The following IQSEC3 variants were observed in gnomAD, a reference collection of about 807,000 sequenced individuals.
IQSEC3 encodes the protein IQ motif and Sec7 domain ArfGEF 3.
IQSEC3 carries 50 observed loss-of-function variants against 105.4 expected under a neutral mutation model. The ratio of observed to expected loss-of-function variants is 0.47; its 90% CI spans 0.38 to 0.60. The LOEUF (loss-of-function observed/expected upper bound fraction) is 0.60, where lower values mean the gene tolerates loss of function less well. Ranked by LOEUF, IQSEC3 falls within the 20% of genes least tolerant of loss-of-function variation. IQSEC3 has a pLI of 0.00. For missense variants in IQSEC3, 1,415 were observed against 1,630.0 expected, an observed-to-expected ratio of 0.87 and a Z score of 2.27; for synonymous variants, 708 against 746.0, an observed-to-expected ratio of 0.95 and a Z score of 0.83.
rs139399761 is a variant in IQSEC3 at position 116,029 on chromosome 12, G to A, written c.624-9604G>A. 9.1e-4 allele frequency among the ~76,000 whole-genome samples: 138 copies of A among 152,318 alleles called. 2 individuals carry two copies. The highest frequency in any genetic ancestry group is 3.2e-3 in the African/African-American group (131 of 41,576). ...TTTTTTTAATAATATTACAGGAAAAGTGAATGATACTTTTGCTTTTTATTT... is the reference window on the plus strand; with the variant it reads ...TTTTTTTAATAATATTACAGGAAAAATGAATGATACTTTTGCTTTTTATTT... On this transcript the variant is annotated intron_variant, in intron 2 of 13. Transcript: ENST00000538872.
chr12:89,110 C>T (rs1448524717), intron 1 of IQSEC3, among the ~76,000 whole-genome samples: 1 of 152,158 alleles, frequency 6.6e-6, no homozygotes, highest in African/African-American at 2.4e-5. Flanking sequence ...AGAGCTGTTT[C>T]TATCAAACCT....
At chr12:92,144 G>A (rs1475693840) in intron 1 of IQSEC3, among the ~76,000 whole-genome samples, 5 of 152,184 alleles carry the variant, frequency 3.3e-5, no homozygotes. Flanking sequence ...TGGGGGATTT[G>A]GGACTGCTGA....
At chr12:169,152 C>T (rs782402179) in intron 12 of IQSEC3, 47 bp downstream of exon 12, 23 of 1,518,646 alleles carry the variant, frequency 1.5e-5, no homozygotes, top group South Asian at 2.2e-5. Context: ...GGAGGCCACT[C>T]GGGGACCCTG....
At chr12:122,996 G>A (rs567724840) in intron 2 of IQSEC3, among the ~76,000 whole-genome samples, 113 of 152,282 alleles carry the variant, frequency 7.4e-4, no homozygotes, top group African/African-American at 2.6e-3. Context: ...GTGCTGTGGT[G>A]GGAAGGGGCT....
At chr12:122,424 A>G (rs1236048891) in intron 2 of IQSEC3, among the ~76,000 whole-genome samples, 1 of 152,222 alleles carries the variant, frequency 6.6e-6, no homozygotes, top group Non-Finnish European at 1.5e-5. Flanking sequence ...ACATGAGTAT[A>G]TGTGAGAGAG....
chr12:92,235 G>A (rs1410362931), intron 1 of IQSEC3, among the ~76,000 whole-genome samples: 5 of 152,172 alleles, frequency 3.3e-5, no homozygotes, highest in Non-Finnish European at 5.9e-5. Context: ...CTTCCCTCAA[G>A]GAACATGGCC....
At chr12:118,917 G>T (rs1248940954) in intron 2 of IQSEC3, among the ~76,000 whole-genome samples, 2 of 152,240 alleles carry the variant, frequency 1.3e-5, no homozygotes, top group Admixed American at 6.5e-5. Context: ...TCCCTGGCAG[G>T]AGCTGTGTGA....
At chr12:118,940 G>C (rs1234548488) in intron 2 of IQSEC3, among the ~76,000 whole-genome samples, 1 of 152,210 alleles carries the variant, frequency 6.6e-6, no homozygotes, top group Non-Finnish European at 1.5e-5. Flanking sequence ...ACAAATGCTG[G>C]GGGCCACTGC....
At chr12:149,973 C>T (rs552951266) in intron 5 of IQSEC3, among the ~76,000 whole-genome samples, 2 of 152,292 alleles carry the variant, frequency 1.3e-5, no homozygotes, top group African/African-American at 4.8e-5. Context: ...GGGACATGAG[C>T]TATGATGCCA....
At chr12:80,187 T>C (rs1863697125) in intron 1 of IQSEC3, among the ~76,000 whole-genome samples, 1 of 152,248 alleles carries the variant, frequency 6.6e-6, no homozygotes, top group African/African-American at 2.4e-5. Flanking sequence ...GCTGACGTGC[T>C]GCTGCAGCCT....
At chr12:113,929 G>A (rs1179148083) in intron 2 of IQSEC3, among the ~76,000 whole-genome samples, 4 of 152,234 alleles carry the variant, frequency 2.6e-5, no homozygotes, top group African/African-American at 9.6e-5. Context: ...TCACTGTAAT[G>A]TGTGGCACTT....
chr12:107,888 G>A (rs10849555), intron 2 of IQSEC3, among the ~76,000 whole-genome samples: 151,949 of 152,250 alleles, frequency 1, 75,825 homozygotes, highest in Middle Eastern at 1. Context: ...TTCTCTCCTT[G>A]TGAGTTTGCT....
At chr12:109,313 C>T (rs1555078881) in intron 2 of IQSEC3, among the ~76,000 whole-genome samples, 1 of 152,182 alleles carries the variant, frequency 6.6e-6, no homozygotes. Context: ...CCCCATCCAG[C>T]CCTGCAGCCC....
intron 1 of IQSEC3, among the ~76,000 whole-genome samples, chr12:82,119 C>G (rs1485491552): frequency 6.6e-6 from 1 of 152,066 alleles, no homozygotes; most frequent in Non-Finnish European, 1.5e-5. Context: ...GCCATTGGAA[C>G]TAGACATTTT....
chr12:99,049 G>A (rs1168599816), intron 1 of IQSEC3, 97 bp from the exon 2 acceptor site: 1 of 1,120,350 alleles, frequency 8.9e-7, no homozygotes, highest in Non-Finnish European at 1.3e-6. Context: ...GCGGGGGTAG[G>A]AGCAGCAAGA....
At chr12:80,136 G>A (rs1863695455) in intron 1 of IQSEC3, among the ~76,000 whole-genome samples, 2 of 152,202 alleles carry the variant, frequency 1.3e-5, no homozygotes, top group South Asian at 4.1e-4. Context: ...AGGGGAGGAA[G>A]CAGGTATGAT....
At chr12:77,647 G>C (rs1328151018) in intron 1 of IQSEC3, 1 of 372,560 alleles carries the variant, frequency 2.7e-6, no homozygotes, top group Non-Finnish European at 3.7e-6. Context: ...GGGGCAGAAC[G>C]AGGTAAATTC....
At chr12:136,743 C>T (rs1045028453) in intron 3 of IQSEC3, among the ~76,000 whole-genome samples, 1 of 152,134 alleles carries the variant, frequency 6.6e-6, no homozygotes, top group Admixed American at 6.5e-5. Context: ...AGGAAACACT[C>T]GCACTTCCCA....
intron 1 of IQSEC3, among the ~76,000 whole-genome samples, chr12:86,717 A>G (rs1184329539): frequency 6.6e-6 from 1 of 152,106 alleles, no homozygotes; most frequent in South Asian, 2.1e-4. Flanking sequence ...TGTGCTAGGT[A>G]TTGTACTAAG....
Sources: gnomAD v4.1 joint callset for allele counts (sites outside exome capture counted in the v4.1 genomes callset) on GRCh38, gnomAD v4.1.1 for gene constraint, MANE v1.5 for transcripts, NCBI Gene and HGNC (gene_info 2026-07-23, HGNC 2026-07-21) for gene names.